The following PPP2R2C variants were observed in gnomAD, a reference collection of about 807,000 sequenced individuals.
The protein encoded by PPP2R2C is protein phosphatase 2 regulatory subunit Bgamma.
PPP2R2C carries 10 observed loss-of-function variants against 45.3 expected under a neutral mutation model. The ratio of observed to expected loss-of-function variants is 0.22; its 90% CI spans 0.14 to 0.37. The LOEUF (loss-of-function observed/expected upper bound fraction) is 0.37. Ranked by LOEUF, PPP2R2C falls within the 10% of genes least tolerant of loss-of-function variation. The pLI is 1.00. For synonymous variants in PPP2R2C, 257 were observed against 245.4 expected, an observed-to-expected ratio of 1.05 and a Z score of -0.44; for missense variants, 308 against 619.7, an observed-to-expected ratio of 0.50 and a Z score of 5.34.
At chr4:6,337,085 G>A (rs1732999419) in intron 6 of PPP2R2C, among the ~76,000 whole-genome samples, 1 of 85,682 alleles carries the variant, frequency 1.2e-5, no homozygotes, top group Non-Finnish European at 2.3e-5. Context: ...TAATTAAATT[G>A]GCATCTTTGT....
At chr4:6,552,640 C>A (rs1423602614) in intron 1 of PPP2R2C, among the ~76,000 whole-genome samples, 3 of 152,076 alleles carry the variant, frequency 2.0e-5, no homozygotes, top group Non-Finnish European at 1.5e-5. Flanking sequence ...TTGGGCCTAC[C>A]CAGATAATCC....
intron 1 of PPP2R2C, among the ~76,000 whole-genome samples, chr4:6,450,481 A>G (rs985397788): frequency 6.6e-6 from 1 of 152,146 alleles, no homozygotes; most frequent in Non-Finnish European, 1.5e-5. Context: ...CACTGGAAGG[A>G]GAAGGAAGAT....
intron 2 of PPP2R2C, among the ~76,000 whole-genome samples, chr4:6,531,755 C>T (rs1032083305): frequency 6.6e-5 from 10 of 152,092 alleles, no homozygotes; most frequent in African/African-American, 2.4e-5. Context: ...AGGTAAAGCC[C>T]GGAGTCTCCC....
chr4:6,395,837 C>T (rs913743865), intron 1 of PPP2R2C, among the ~76,000 whole-genome samples: 8 of 152,250 alleles, frequency 5.3e-5, no homozygotes, highest in African/African-American at 1.9e-4. Flanking sequence ...TCCTGGTAGC[C>T]CCCCAGCTGC....
chr4:6,512,572 A>ATGG (rs1560595627), intron 2 of PPP2R2C, among the ~76,000 whole-genome samples: 17 of 40,298 alleles, frequency 4.2e-4, no homozygotes, highest in African/African-American at 1.8e-3. Flanking sequence ...GGTGGTGGTG[A>ATGG]TGGTGATGGT....
chr4:6,551,380 T>C (rs1050127968), intron 1 of PPP2R2C, among the ~76,000 whole-genome samples: 1 of 152,010 alleles, frequency 6.6e-6, no homozygotes, highest in African/African-American at 2.4e-5. Context: ...ACAAAGCCAA[T>C]AGGAGTCCAG....
At chr4:6,410,823 G>A (rs1462467278) in intron 1 of PPP2R2C, among the ~76,000 whole-genome samples, 3 of 151,674 alleles carry the variant, frequency 2.0e-5, no homozygotes, top group South Asian at 4.2e-4. Context: ...TATGGAGTAG[G>A]GACTACTATT....
chr4:6,339,952 C>T (rs995424839), intron 6 of PPP2R2C, among the ~76,000 whole-genome samples: 1 of 152,184 alleles, frequency 6.6e-6, no homozygotes, highest in African/African-American at 2.4e-5. Context: ...CCGAGCACCC[C>T]TGGACACTGG....
chr4:6,487,410 C>A (rs780856736), intron 2 of PPP2R2C, among the ~76,000 whole-genome samples: 2 of 151,748 alleles, frequency 1.3e-5, no homozygotes, highest in Non-Finnish European at 2.9e-5. Context: ...GTTATGAATT[C>A]TTTAAGCCGT....
intron 1 of PPP2R2C, among the ~76,000 whole-genome samples, chr4:6,559,440 G>A (rs1725507997): frequency 6.7e-6 from 1 of 149,794 alleles, no homozygotes; most frequent in Non-Finnish European, 1.5e-5. Flanking sequence ...CAGAACAGAG[G>A]CAAAGAGATT....
chr4:6,467,714 C>T lies in PPP2R2C; in HGVS notation c.70+4446G>A, dbSNP rs4594799. ...TTGGGGTGCTATGGGCTGCAAGTAA[C>T]GGAGACTTGAAAGTGCACAACGAAA... On this transcript the variant is annotated intron_variant, in intron 1 of 8. Transcript: ENST00000382599. Among the ~76,000 whole-genome samples, 24 of 152,206 alleles carry T rather than the reference C, an allele frequency of 1.6e-4. 1 individual carries two copies. In the East Asian group the frequency reaches 2.7e-3, roughly 17 times the overall value.
At chr4:6,349,752 G>A in intron 5 of PPP2R2C, 3 of 681,824 alleles carry the variant, frequency 4.4e-6, no homozygotes, top group Non-Finnish European at 5.4e-6. Context: ...AAAAAAATTA[G>A]TAGTGGCGTA....
In PPP2R2C at chr4:6,554,173, A is replaced by C. The variant is rs191779337; in HGVS notation, c.-59+9387T>G. On this transcript the variant is annotated intron_variant, in intron 1 of 9. Transcript: ENST00000506140. The stretch of plus-strand genomic sequence containing the variant: ...AAATAGGGTCACTGCAGATGTCATT[A>C]GTTAAAATGAGGCCATGCTGGAGTA... 1.1e-3 allele frequency among the ~76,000 whole-genome samples: 174 copies of C among 152,340 alleles called. 4 individuals are homozygous for C. In the East Asian group the frequency reaches 0.031, roughly 27 times the overall value.
At chr4:6,472,068 A>C in intron 1 of PPP2R2C, 92 bp downstream of exon 1, 3 of 1,509,608 alleles carry the variant, frequency 2.0e-6, no homozygotes, top group African/African-American at 1.4e-5. Context: ...CACGACACAC[A>C]TCGCGCGGTC....
At chr4:6,360,439 G>A (rs1238367964) in intron 5 of PPP2R2C, among the ~76,000 whole-genome samples, 1 of 152,128 alleles carries the variant, frequency 6.6e-6, no homozygotes, top group East Asian at 1.9e-4. Context: ...GGGCTCCACC[G>A]ATTTCACCGA....
intron 1 of PPP2R2C, among the ~76,000 whole-genome samples, chr4:6,391,434 G>A (rs774023469): frequency 7.2e-5 from 11 of 152,202 alleles, no homozygotes; most frequent in Admixed American, 2.6e-4. Context: ...GCTGGGCCTC[G>A]CCAGGCAAGT....
At position 6,539,735 on chromosome 4, in the gene PPP2R2C, A is replaced by G. The variant is rs185118754; in HGVS notation, c.-58-4358T>C. On this transcript the variant is annotated intron_variant, in intron 1 of 9. Transcript: ENST00000506140. ...TCTGGGGTTTGCTGAGTGTCCCTGC[A>G]GGCGGAAGCTGCACTAGGCATTCCC... 4.6e-5 allele frequency among the ~76,000 whole-genome samples: 7 copies of G among 152,322 alleles called. No homozygotes were observed. In the East Asian group the frequency reaches 1.3e-3, roughly 29 times the overall value.
intron 1 of PPP2R2C, among the ~76,000 whole-genome samples, chr4:6,423,866 G>A (rs1201228933): frequency 6.6e-6 from 1 of 151,918 alleles, no homozygotes; most frequent in Non-Finnish European, 1.5e-5. Context: ...GTGCCCTTGT[G>A]TGTTTTAAGT....
At chr4:6,487,068 C>CAT (rs1722552608) in intron 2 of PPP2R2C, among the ~76,000 whole-genome samples, 1 of 151,934 alleles carries the variant, frequency 6.6e-6, no homozygotes, top group Non-Finnish European at 1.5e-5. Context: ...TCACAGTCTA[C>CAT]CTTCAGGTGA....
Sources: allele counts gnomAD v4.1 joint callset (sites outside exome capture counted in the v4.1 genomes callset), GRCh38; gene constraint gnomAD v4.1.1; transcripts MANE v1.5; gene names NCBI Gene and HGNC (gene_info 2026-07-23, HGNC 2026-07-21).